The following NRP1 variants were observed in gnomAD, a reference collection of about 807,000 sequenced individuals.
NRP1 encodes the protein neuropilin-1.
In NRP1, 35 loss-of-function variants were observed where a neutral mutation model predicts 106.7. The observed-to-expected ratio is 0.33, with a 90% CI of 0.25 to 0.43. The LOEUF is 0.43. Ranked by LOEUF, NRP1 falls within the 20% of genes least tolerant of loss-of-function variation. NRP1 has a pLI of 1.00. For synonymous variants in NRP1, 437 were observed against 417.9 expected (o/e 1.05, Z -0.56); for missense variants, 1,024 against 1,170.4 (o/e 0.87, Z 1.83).
At chr10:33,304,434 C>T (rs1204451107) in intron 2 of NRP1, among the ~76,000 whole-genome samples, 1 of 152,112 alleles carries the variant, frequency 6.6e-6, no homozygotes, top group Admixed American at 6.5e-5. Context: ...CTATAAGACC[C>T]TTCTCATAGA....
intron 16 of NRP1, among the ~76,000 whole-genome samples, chr10:33,180,585 G>T (rs1475256727): frequency 3.3e-5 from 5 of 152,124 alleles, no homozygotes; most frequent in African/African-American, 4.8e-5. Flanking sequence ...ACCCATTCTG[G>T]ATCAACTGGG....
intron 8 of NRP1, among the ~76,000 whole-genome samples, chr10:33,215,803 T>G (rs1243233517): frequency 6.6e-6 from 1 of 152,188 alleles, no homozygotes; most frequent in Non-Finnish European, 1.5e-5. Context: ...TTCAGTGCCT[T>G]CTTGTCTAGA....
rs77606732 is a variant in NRP1 at position 33,206,814 on chromosome 10, A to G, written c.1759+758T>C. On this transcript the variant is annotated intron_variant, in intron 10 of 16. Transcript: ENST00000374867. ...TAAACGGTACAATAACCCACTCAAA[A>G]CATTCATTTCATTCATCATATGTTC... Among the ~76,000 whole-genome samples the G allele has an allele frequency of 5.0e-3, 766 of 152,306 alleles. 6 individuals are homozygous for G. The highest frequency in any genetic ancestry group is 0.017 in the African/African-American group (726 of 41,558).
intron 10 of NRP1, among the ~76,000 whole-genome samples, chr10:33,207,272 G>A (rs941676771): frequency 6.6e-6 from 1 of 151,966 alleles, no homozygotes; most frequent in Non-Finnish European, 1.5e-5. Context: ...CCTTCAAGAG[G>A]TGAAATTTAT....
intron 2 of NRP1, among the ~76,000 whole-genome samples, chr10:33,310,497 C>G (rs1190838973): frequency 6.6e-6 from 1 of 152,020 alleles, no homozygotes; most frequent in East Asian, 1.9e-4. Context: ...GTGATTCACT[C>G]GACTTGGCCT....
chr10:33,204,184 G>A (rs2059610342), intron 10 of NRP1, among the ~76,000 whole-genome samples: 1 of 152,104 alleles, frequency 6.6e-6, no homozygotes, highest in South Asian at 2.1e-4. Flanking sequence ...GCTGGGGCCT[G>A]TTCTCTTCTC....
chr10:33,330,669 T>C, intron 2 of NRP1, 39 bp downstream of exon 2: 1 of 1,556,502 alleles, frequency 6.4e-7, no homozygotes, highest in Non-Finnish European at 8.8e-7. Flanking sequence ...GACCACTAGA[T>C]GGTGCTGTGG....
chr10:33,223,484 G>C (rs890474658), intron 7 of NRP1, among the ~76,000 whole-genome samples: 1 of 151,904 alleles, frequency 6.6e-6, no homozygotes, highest in Non-Finnish European at 1.5e-5. Context: ...AATTAGCCAG[G>C]TATGGTGGTG....
chr10:33,204,878 C>T (rs1046842304), intron 10 of NRP1, among the ~76,000 whole-genome samples: 10 of 151,894 alleles, frequency 6.6e-5, no homozygotes, highest in African/African-American at 2.4e-4. Context: ...ATTACAGGCG[C>T]CCACCAACAC....
intron 2 of NRP1, among the ~76,000 whole-genome samples, chr10:33,279,344 G>A (rs2776925): frequency 0.6 from 91,384 of 151,992 alleles, 28,089 homozygotes; most frequent in East Asian, 0.82. Flanking sequence ...GGATCCTCCT[G>A]GAAGCTCACA....
chr10:33,325,619 C>T (rs1049864105), intron 2 of NRP1, among the ~76,000 whole-genome samples: 1 of 152,096 alleles, frequency 6.6e-6, no homozygotes, highest in Non-Finnish European at 1.5e-5. Flanking sequence ...AAATAAAAGA[C>T]ATTAGCACTG....
At chr10:33,222,114 T>C (rs182068160) in intron 7 of NRP1, among the ~76,000 whole-genome samples, 1 of 152,342 alleles carries the variant, frequency 6.6e-6, no homozygotes. Context: ...ATTATATGGA[T>C]AATATTGATT....
intron 1 of NRP1, 39 bp downstream of exon 1, chr10:33,334,270 CG>C: frequency 6.5e-7 from 1 of 1,526,802 alleles, no homozygotes; most frequent in Non-Finnish European, 8.8e-7. Context: ...AGCTGGGAGC[CG>C]GGGCGCCGCT....
intron 2 of NRP1, among the ~76,000 whole-genome samples, chr10:33,295,226 A>G (rs2132658635): frequency 6.6e-6 from 1 of 152,306 alleles, no homozygotes; most frequent in East Asian, 1.9e-4. Flanking sequence ...CCAGTTGTTC[A>G]AAAATAAAAC....
At chr10:33,231,518 C>A (rs968086024) in intron 6 of NRP1, among the ~76,000 whole-genome samples, 2 of 152,102 alleles carry the variant, frequency 1.3e-5, no homozygotes, top group Non-Finnish European at 2.9e-5. Context: ...GTTTTATAGA[C>A]GTTCTAGTGC....
intron 2 of NRP1, among the ~76,000 whole-genome samples, chr10:33,329,899 AAT>A (rs1405478325): frequency 6.6e-5 from 10 of 152,336 alleles, no homozygotes; most frequent in African/African-American, 2.4e-4. Flanking sequence ...TGTGGAAAGC[AAT>A]ATCCACATAC....
chr10:33,292,517 G>A (rs1228457922), intron 2 of NRP1, among the ~76,000 whole-genome samples: 3 of 152,136 alleles, frequency 2.0e-5, no homozygotes, highest in Non-Finnish European at 2.9e-5. Context: ...AAGTAGAGAG[G>A]AAAGTAAGTT....
chr10:33,330,643 C>T (rs1019937368), intron 2 of NRP1, 65 bp downstream of exon 2: 1 of 1,418,064 alleles, frequency 7.1e-7, no homozygotes, highest in African/African-American at 1.4e-5. Flanking sequence ...CCGACTTCCC[C>T]CCCGTAGACA....
chr10:33,187,247 A>T (rs1283523084), intron 13 of NRP1, among the ~76,000 whole-genome samples: 1 of 152,222 alleles, frequency 6.6e-6, no homozygotes, highest in Non-Finnish European at 1.5e-5. Flanking sequence ...AAATGAAATC[A>T]TTGAGATGTA....
Sources: gnomAD v4.1 joint callset for allele counts (sites outside exome capture counted in the v4.1 genomes callset) on GRCh38, gnomAD v4.1.1 for gene constraint, MANE v1.5 for transcripts, NCBI Gene and HGNC (gene_info 2026-07-23, HGNC 2026-07-21) for gene names.